The following ITPRID1 variants were observed in gnomAD, a reference collection of about 807,000 sequenced individuals.
ITPRID1 encodes ITPR interacting domain containing 1, also known as protein ITPRID1.
In ITPRID1, 96 loss-of-function variants were observed where a neutral mutation model predicts 95.4. The ratio of observed to expected loss-of-function variants is 1.01; its 90% CI spans 0.85 to 1.19. The LOEUF (loss-of-function observed/expected upper bound fraction) is 1.19. Ranked by LOEUF, ITPRID1 falls within the 50% of genes most tolerant of loss-of-function variation. ITPRID1 has a pLI of 0.00. For missense variants in ITPRID1, 1,339 were observed against 1,252.9 expected, an observed-to-expected ratio of 1.07 and a Z score of -1.04; for synonymous variants, 510 against 453.6, an observed-to-expected ratio of 1.12 and a Z score of -1.58.
intron 1 of ITPRID1, among the ~76,000 whole-genome samples, chr7:31,522,111 G>A (rs927655602): frequency 6.6e-6 from 1 of 152,020 alleles, no homozygotes; most frequent in Non-Finnish European, 1.5e-5. Flanking sequence ...CAGGGACTGC[G>A]AACTCATTAC....
intron 10 of ITPRID1, among the ~76,000 whole-genome samples, chr7:31,600,434 C>T (rs1329936427): frequency 1.3e-5 from 2 of 152,132 alleles, no homozygotes; most frequent in African/African-American, 4.8e-5. Flanking sequence ...GACAATTATG[C>T]AGTCATTTAA....
chr7:31,657,599 G>A (rs1001114683), downstream of ITPRID1, among the ~76,000 whole-genome samples: 1 of 152,062 alleles, frequency 6.6e-6, no homozygotes, highest in Non-Finnish European at 1.5e-5. Context: ...AAGAATAATG[G>A]CAAGAGCCCT....
At chr7:31,556,801 A>G (rs983059414) in intron 5 of ITPRID1, among the ~76,000 whole-genome samples, 2 of 152,078 alleles carry the variant, frequency 1.3e-5, no homozygotes, top group Non-Finnish European at 1.5e-5. Context: ...GCAGTAACAA[A>G]TTATCACAAA....
At chr7:31,528,283 T>G (rs1440412555) in intron 1 of ITPRID1, among the ~76,000 whole-genome samples, 2 of 152,248 alleles carry the variant, frequency 1.3e-5, no homozygotes, top group Non-Finnish European at 2.9e-5. Flanking sequence ...GATGAAATTC[T>G]ATGCCCAGTT....
intron 1 of ITPRID1, among the ~76,000 whole-genome samples, chr7:31,539,598 T>A (rs775707416): frequency 2.0e-5 from 3 of 152,216 alleles, no homozygotes; most frequent in Non-Finnish European, 4.4e-5. Flanking sequence ...GTGCCTGTAC[T>A]GTAAGAGTTA....
rs373285273 is a variant in ITPRID1 at position 31,569,060 on chromosome 7, T to C, written c.257-698T>C. Among the ~76,000 whole-genome samples the C allele has an allele frequency of 5.9e-5, 9 of 152,324 alleles. No individual in the cohort carries two copies. In the East Asian group the frequency reaches 1.7e-3, roughly 29 times the overall value. ...ACATTGCCTCGCACTAAGTTAGTGC[T>C]AAATAGTCAATGTTATTGCTGCAAT... On this transcript the variant is annotated intron_variant, in intron 5 of 14. Transcript: ENST00000615280.
At chr7:31,532,082 A>G (rs999977948) in intron 1 of ITPRID1, among the ~76,000 whole-genome samples, 8 of 152,156 alleles carry the variant, frequency 5.3e-5, no homozygotes, top group Non-Finnish European at 1.0e-4. Context: ...GAGTTTCCCT[A>G]TTGGCAATCT....
rs377678119 is a variant in ITPRID1 at position 31,607,961 on chromosome 7, T to G, written c.1228+24770T>G. ...TCTCCCATAGCATCCTATTTTTTTT[T>G]GTCATGGTTGCAATGCTTATGCTTC... On this transcript the variant is annotated intron_variant, in intron 10 of 14. Transcript: ENST00000615280. Among the ~76,000 whole-genome samples the G allele has an allele frequency of 3.9e-5, 6 of 152,192 alleles. 1 individual carries two copies. The highest frequency in any genetic ancestry group is 1.4e-4 in the African/African-American group (6 of 41,568).
intron 10 of ITPRID1, among the ~76,000 whole-genome samples, chr7:31,614,685 G>A (rs1476290747): frequency 6.6e-6 from 1 of 152,144 alleles, no homozygotes; most frequent in Non-Finnish European, 1.5e-5. Flanking sequence ...AAAACAAAAT[G>A]GGTTAGTAGA....
chr7:31,529,407 A>G (rs1203898116), intron 1 of ITPRID1: 2 of 215,980 alleles, frequency 9.3e-6, no homozygotes, highest in Admixed American at 1.1e-4. Flanking sequence ...AAGAGCATTA[A>G]AGGAACAGCA....
intron 1 of ITPRID1, among the ~76,000 whole-genome samples, chr7:31,519,620 C>CTCTCTCTCTCTATATATA: frequency 8.7e-4 from 22 of 25,256 alleles, no homozygotes; most frequent in Non-Finnish European, 1.1e-3. Context: ...CTCTCTCTCT[C>CTCTCTCTCTCTATATATA]TATATATATA....
chr7:31,583,984 G>C (rs1006407969), intron 10 of ITPRID1, among the ~76,000 whole-genome samples: 5 of 152,172 alleles, frequency 3.3e-5, no homozygotes, highest in African/African-American at 4.8e-5. Flanking sequence ...ACTCTCAGTG[G>C]ACAGAGGTTC....
chr7:31,523,445 G>A (rs997191330), intron 1 of ITPRID1, among the ~76,000 whole-genome samples: 16 of 152,362 alleles, frequency 1.1e-4, no homozygotes, highest in Non-Finnish European at 2.2e-4. Context: ...AACTGAGGGT[G>A]ATTGGGTACT....
intron 5 of ITPRID1, among the ~76,000 whole-genome samples, chr7:31,565,435 T>C (rs1299023483): frequency 6.6e-6 from 1 of 152,076 alleles, no homozygotes; most frequent in Non-Finnish European, 1.5e-5. Flanking sequence ...TGAAACAAGA[T>C]CAAGAAGAGA....
chr7:31,554,388 GT>G, intron 3 of ITPRID1, 86 bp from the exon 4 acceptor site: 1 of 1,525,400 alleles, frequency 6.6e-7, no homozygotes, highest in Non-Finnish European at 8.9e-7. Context: ...GTGGGAAATA[GT>G]GACTGAGTGG....
intron 1 of ITPRID1, among the ~76,000 whole-genome samples, chr7:31,525,566 C>T (rs958863953): frequency 1.3e-5 from 2 of 152,254 alleles, no homozygotes; most frequent in South Asian, 4.2e-4. Flanking sequence ...AACTCCTACA[C>T]AGTAGAGGCA....
At chr7:31,634,358 C>T (rs1035481011) in intron 10 of ITPRID1, among the ~76,000 whole-genome samples, 1 of 152,088 alleles carries the variant, frequency 6.6e-6, no homozygotes, top group African/African-American at 2.4e-5. Flanking sequence ...TGTCCTGCAG[C>T]AAAAATTTAC....
At chr7:31,565,261 T>C (rs544396186) in intron 5 of ITPRID1, among the ~76,000 whole-genome samples, 1 of 152,306 alleles carries the variant, frequency 6.6e-6, no homozygotes, top group East Asian at 1.9e-4. Context: ...AAAATAAAAC[T>C]ATCTTTAATA....
intron 11 of ITPRID1, 55 bp from the exon 12 acceptor site, chr7:31,642,627 C>A: frequency 6.7e-7 from 1 of 1,501,470 alleles, no homozygotes; most frequent in South Asian, 1.2e-5. Context: ...CACCTTAAAC[C>A]TATTGCCTCC....
Sources: allele counts gnomAD v4.1 joint callset (sites outside exome capture counted in the v4.1 genomes callset), GRCh38; gene constraint gnomAD v4.1.1; transcripts MANE v1.5; gene names NCBI Gene and HGNC (gene_info 2026-07-23, HGNC 2026-07-21).